The following FAM184A variants were observed in gnomAD, a reference collection of about 807,000 sequenced individuals.
FAM184A encodes protein FAM184A.
A neutral mutation model predicts 143.8 loss-of-function variants in FAM184A; 99 were observed. That is an observed-to-expected ratio of 0.69 (90% CI 0.58 to 0.81). The LOEUF (loss-of-function observed/expected upper bound fraction) is 0.81, where lower values mean the gene tolerates loss of function less well. FAM184A is among the 40% of genes least tolerant of loss of function. The pLI is 0.00. For synonymous variants in FAM184A, 427 were observed against 446.4 expected, an observed-to-expected ratio of 0.96 and a Z score of 0.55; for missense variants, 1,217 against 1,310.5, an observed-to-expected ratio of 0.93 and a Z score of 1.10.
rs544839074 is a variant in FAM184A, at chr6:119,133,610, G to T, written c.-202+15468C>A. Among the ~76,000 whole-genome samples, 3 of 152,108 alleles carry T rather than the reference G, an allele frequency of 2.0e-5. No homozygotes were observed. The East Asian group carries it at 5.9e-4, about 30-fold the overall frequency. On this transcript the variant is annotated intron_variant, in intron 1 of 16. Transcript: ENST00000352896. ...GTTAACCAGTTACCTGAGGTAGGCT[G>T]CCCCAAGAAATGGGTGTGATGTGGG...
intron 9 of FAM184A, among the ~76,000 whole-genome samples, chr6:119,000,778 A>G (rs575476950): frequency 3.3e-5 from 5 of 152,104 alleles, no homozygotes; most frequent in African/African-American, 4.8e-5. Flanking sequence ...AGCCACTCCA[A>G]TTCTATTCCT....
chr6:118,980,172 T>C lies in FAM184A; in HGVS notation c.2267A>G (p.Gln756Arg). ...CTTTTCCTTTTCCTCTTCCATAGTT[T>C]GAAATGCAAGGACATGTGCTTCTTT... ...SLKEAHVLAF[Q>R]TMEEEKEKEQ... Residue 756 changes from glutamine (Q) to arginine (R), a missense_variant, in exon 10 of 18, where the codon CAA becomes CGA. Physicochemically the swap from Gln to Arg is conservative, Grantham distance 43. Transcript: ENST00000338891. 1.9e-6 allele frequency: 3 copies of C among 1,614,228 alleles called. No homozygotes were observed. Among genetic ancestry groups the C allele is most frequent in the Non-Finnish European group, 1.7e-6 (2 of 1,180,016 alleles).
At chr6:119,017,420 A>C (rs9489577) in intron 4 of FAM184A, among the ~76,000 whole-genome samples, 85,739 of 151,556 alleles carry the variant, frequency 0.57, 25,201 homozygotes, top group Non-Finnish European at 0.63. Flanking sequence ...ATGGCGTGAA[A>C]CTGGGAGACA....
intron 6 of FAM184A, among the ~76,000 whole-genome samples, chr6:119,008,658 T>C (rs1457102176): frequency 6.6e-6 from 1 of 152,198 alleles, no homozygotes; most frequent in Non-Finnish European, 1.5e-5. Flanking sequence ...AGATTCTCCA[T>C]ATTAATGTAC....
intron 1 of FAM184A, among the ~76,000 whole-genome samples, chr6:119,073,790 C>A (rs899781385): frequency 7.2e-5 from 11 of 152,164 alleles, no homozygotes; most frequent in Admixed American, 6.5e-5. Flanking sequence ...TGATGAGAAG[C>A]TGCATGAAGA....
chr6:119,075,773 CCT>C (rs538895721), intron 1 of FAM184A, among the ~76,000 whole-genome samples: 2 of 151,860 alleles, frequency 1.3e-5, no homozygotes, highest in Non-Finnish European at 2.9e-5. Flanking sequence ...CATAACAGTC[CCT>C]CTCTCTCTAT....
intron 17 of FAM184A, chr6:118,960,678 T>A (rs1783291545): frequency 3.9e-6 from 2 of 519,052 alleles, no homozygotes; most frequent in Admixed American, 3.5e-5. Flanking sequence ...AAAATATAAT[T>A]TCCCCCGTTA....
At chr6:118,991,427 T>A (rs1463581748) in intron 9 of FAM184A, among the ~76,000 whole-genome samples, 5 of 152,186 alleles carry the variant, frequency 3.3e-5, no homozygotes, top group Non-Finnish European at 7.4e-5. Flanking sequence ...CCTCCTAAAG[T>A]GCTGGGATTA....
chr6:119,085,288 C>A (rs1788189089), intron 1 of FAM184A, among the ~76,000 whole-genome samples: 1 of 152,170 alleles, frequency 6.6e-6, no homozygotes, highest in Non-Finnish European at 1.5e-5. Context: ...ATCTTGAACG[C>A]TTTGCTGTTT....
chr6:119,047,888 T>C (rs894206944), intron 1 of FAM184A, among the ~76,000 whole-genome samples: 1 of 152,130 alleles, frequency 6.6e-6, no homozygotes, highest in Non-Finnish European at 1.5e-5. Flanking sequence ...AAGGCCAGCA[T>C]TAGTCTGATA....
chr6:118,962,686 ATG>A (rs1301811547), intron 16 of FAM184A: 1 of 152,178 alleles, frequency 6.6e-6, no homozygotes, highest in Non-Finnish European at 1.5e-5. Flanking sequence ...TGATTTTTTA[ATG>A]TGTCTTTAAA....
intron 1 of FAM184A, among the ~76,000 whole-genome samples, chr6:119,042,933 A>C (rs533037365): frequency 3.3e-4 from 50 of 152,306 alleles, no homozygotes; most frequent in African/African-American, 1.2e-3. Context: ...ATTTTTCAAA[A>C]ATCTGCATCC....
chr6:119,053,074 G>A (rs1265982576), intron 1 of FAM184A, among the ~76,000 whole-genome samples: 2 of 152,148 alleles, frequency 1.3e-5, no homozygotes, highest in African/African-American at 4.8e-5. Flanking sequence ...AATACCTCAG[G>A]AAAAGAGCCC....
At chr6:119,133,410 T>C (rs1789585360) in intron 1 of FAM184A, among the ~76,000 whole-genome samples, 1 of 152,118 alleles carries the variant, frequency 6.6e-6, no homozygotes, top group Non-Finnish European at 1.5e-5. Context: ...GGAGTGTTCT[T>C]GTTGTTAGCA....
At chr6:119,046,278 C>A (rs530059371) in intron 1 of FAM184A, among the ~76,000 whole-genome samples, 1 of 149,066 alleles carries the variant, frequency 6.7e-6, no homozygotes, top group East Asian at 2.0e-4. Flanking sequence ...GGCTGGAGTG[C>A]AGTGGCATGA....
At chr6:119,072,922 A>G (rs1200168682) in intron 1 of FAM184A, among the ~76,000 whole-genome samples, 1 of 149,000 alleles carries the variant, frequency 6.7e-6, no homozygotes, top group East Asian at 1.9e-4. Context: ...CTGCTGTATA[A>G]CAAAATTACT....
intron 1 of FAM184A, among the ~76,000 whole-genome samples, chr6:119,037,579 G>T (rs1322067648): frequency 6.6e-6 from 1 of 152,024 alleles, no homozygotes; most frequent in East Asian, 1.9e-4. Context: ...ACTGTGTTTT[G>T]CCCTTTGGAA....
At chr6:119,043,831 T>G (rs952448573) in intron 1 of FAM184A, among the ~76,000 whole-genome samples, 2 of 152,218 alleles carry the variant, frequency 1.3e-5, no homozygotes, top group African/African-American at 4.8e-5. Context: ...AGGTATGCCT[T>G]TTCATTTATG....
At chr6:119,001,032 C>T (rs62421100) in intron 9 of FAM184A, among the ~76,000 whole-genome samples, 1 of 150,104 alleles carries the variant, frequency 6.7e-6, no homozygotes, top group Non-Finnish European at 1.5e-5. Flanking sequence ...CCAAAGGAGT[C>T]GAGACAACAA....
Sources: allele counts gnomAD v4.1 joint callset (sites outside exome capture counted in the v4.1 genomes callset), GRCh38; gene constraint gnomAD v4.1.1; transcripts MANE v1.5; gene names NCBI Gene and HGNC (gene_info 2026-07-23, HGNC 2026-07-21).